ANO3: variants seen among roughly 807,000 people sequenced by gnomAD.
ANO3 encodes the protein anoctamin 3, also known as anoctamin-3.
In ANO3, 99 loss-of-function variants were observed where a neutral mutation model predicts 144.8. The ratio of observed to expected loss-of-function variants is 0.68; its 90% CI spans 0.58 to 0.81. The LOEUF (loss-of-function observed/expected upper bound fraction) is 0.81. Among genes scored for constraint, ANO3 ranks in the 30% least tolerant of loss-of-function variants. The pLI is 0.00. For synonymous variants in ANO3, 414 were observed against 392.6 expected (o/e 1.05, Z -0.64); for missense variants, 905 against 1,202.2 (o/e 0.75, Z 3.66).
upstream of ANO3, among the ~76,000 whole-genome samples, chr11:26,307,015 T>A (rs1472389969): frequency 6.6e-6 from 1 of 152,144 alleles, no homozygotes; most frequent in African/African-American, 2.4e-5. Context: ...TTTTTTACAA[T>A]CTTCTACACA....
At chr11:26,222,833 G>A (rs1340438271) in intron 1 of ANO3, among the ~76,000 whole-genome samples, 2 of 152,158 alleles carry the variant, frequency 1.3e-5, no homozygotes, top group South Asian at 2.1e-4. Flanking sequence ...GGGTGGTGTA[G>A]GGCAGTGGGA....
rs1183023481 is a variant in ANO3 at position 26,544,251 on chromosome 11, C to CACACATATATATATATATAT, written c.1154+2184_1154+2185insCACATATATATATATATATA. Among the ~76,000 whole-genome samples, 17 of 38,470 alleles carry CACACATATATATATATATAT rather than the reference C, an allele frequency of 4.4e-4. 1 individual carries two copies. The highest frequency in any genetic ancestry group is 6.0e-4 in the African/African-American group (9 of 15,018). The allele number at this position is 38,470 out of a possible 152,430, so 25.2% of individuals were successfully genotyped here. A position where few individuals can be genotyped will look rare whatever the true frequency, so the allele number is the denominator to read the frequency against. On this transcript the variant is annotated intron_variant, in intron 11 of 26. Coordinates refer to ENST00000256737, the MANE Select transcript of ANO3 (RefSeq NM_031418.4). ...TAAGGTTAAGTAGTATTTCATTATA[C>CACACATATATATATATATAT]ATATATATATATATATATATATACA...
chr11:26,250,245 T>C (rs1161550042), intron 1 of ANO3, among the ~76,000 whole-genome samples: 1 of 152,230 alleles, frequency 6.6e-6, no homozygotes, highest in Non-Finnish European at 1.5e-5. Context: ...CTTTCTTCTG[T>C]GGCAGCTATG....
At chr11:26,242,249 A>G (rs1285209189) in intron 1 of ANO3, among the ~76,000 whole-genome samples, 1 of 152,150 alleles carries the variant, frequency 6.6e-6, no homozygotes, top group Admixed American at 6.5e-5. Context: ...CTCTTCTACT[A>G]TGTAATTTAC....
chr11:26,344,379 T>TG (rs1855446229), intron 1 of ANO3, among the ~76,000 whole-genome samples: 1 of 151,260 alleles, frequency 6.6e-6, no homozygotes, highest in South Asian at 2.1e-4. Context: ...TTTTTTTTTT[T>TG]TTTTGAGATG....
chr11:26,246,135 G>T (rs1852787367), intron 1 of ANO3, among the ~76,000 whole-genome samples: 1 of 152,096 alleles, frequency 6.6e-6, no homozygotes, highest in Non-Finnish European at 1.5e-5. Context: ...GGCATCTTCA[G>T]TTCAGCATGT....
intron 17 of ANO3, among the ~76,000 whole-genome samples, chr11:26,623,947 C>T (rs1045039988): frequency 6.6e-6 from 1 of 152,082 alleles, no homozygotes; most frequent in Non-Finnish European, 1.5e-5. Context: ...CCAACGTGCC[C>T]GGCTAATTTT....
chr11:26,269,297 C>A (rs1005828677), intron 1 of ANO3, among the ~76,000 whole-genome samples: 1 of 152,168 alleles, frequency 6.6e-6, no homozygotes, highest in African/African-American at 2.4e-5. Flanking sequence ...TCCTTAGGCA[C>A]CTCTGCCAAA....
chr11:26,431,885 T>C (rs1858104625), intron 1 of ANO3, among the ~76,000 whole-genome samples: 1 of 152,220 alleles, frequency 6.6e-6, no homozygotes, highest in Non-Finnish European at 1.5e-5. Context: ...TGTGTCTTTA[T>C]GGTAAAATGA....
intron 9 of ANO3, among the ~76,000 whole-genome samples, chr11:26,534,772 C>T (rs796192599): frequency 1.1e-4 from 16 of 152,096 alleles, no homozygotes; most frequent in African/African-American, 3.1e-4. Context: ...GATATCAAAA[C>T]GTGAAATGTG....
intron 1 of ANO3, among the ~76,000 whole-genome samples, chr11:26,261,239 A>G (rs947896524): frequency 1.3e-5 from 2 of 152,118 alleles, no homozygotes; most frequent in Non-Finnish European, 2.9e-5. Flanking sequence ...ATAAAAAATT[A>G]CATGACTTTA....
intron 4 of ANO3, among the ~76,000 whole-genome samples, chr11:26,465,150 G>GTA (rs942787352): frequency 6.7e-6 from 1 of 149,326 alleles, no homozygotes; most frequent in African/African-American, 2.5e-5. Flanking sequence ...GTGTGTGTGT[G>GTA]TGTGTGTGTG....
chr11:26,257,918 C>A (rs1853096752), intron 1 of ANO3, among the ~76,000 whole-genome samples: 1 of 152,018 alleles, frequency 6.6e-6, no homozygotes, highest in African/African-American at 2.4e-5. Flanking sequence ...AAAATTTATA[C>A]TACAGAAAAA....
At chr11:26,461,455 C>T (rs1368313325) in intron 3 of ANO3, among the ~76,000 whole-genome samples, 2 of 152,006 alleles carry the variant, frequency 1.3e-5, no homozygotes, top group Non-Finnish European at 2.9e-5. Flanking sequence ...ACACCTTCAT[C>T]CTTCCTATCT....
intron 4 of ANO3, among the ~76,000 whole-genome samples, chr11:26,505,992 CAAAAAAAA>C (rs56193607): frequency 2.5e-5 from 2 of 78,448 alleles, no homozygotes; most frequent in Non-Finnish European, 2.4e-5. Flanking sequence ...GACTCTGTCT[CAAAAAAAA>C]AAAAAAAAAA....
intron 4 of ANO3, among the ~76,000 whole-genome samples, chr11:26,478,549 A>G (rs998656779): frequency 6.6e-6 from 1 of 152,152 alleles, no homozygotes; most frequent in Non-Finnish European, 1.5e-5. Context: ...CCCAAGCTGA[A>G]TTCCACTCTG....
chr11:26,306,528 G>A (rs1854387897), upstream of ANO3, among the ~76,000 whole-genome samples: 1 of 152,082 alleles, frequency 6.6e-6, no homozygotes, highest in Non-Finnish European at 1.5e-5. Flanking sequence ...GCCAGGTGCA[G>A]TGGTGTGCAC....
Position 26,372,879 on chromosome 11 carries a change from C to T in ANO3, c.46+40558C>T, listed in dbSNP as rs1444482581. On this transcript the variant is annotated intron_variant, in intron 1 of 26. Transcript: ENST00000256737. ...TGAACATTTATATTCATATTATAAACATCAGATTTTTCAAACATGTTGTGT... is the reference window on the plus strand; with the variant it reads ...TGAACATTTATATTCATATTATAAATATCAGATTTTTCAAACATGTTGTGT... Among the ~76,000 whole-genome samples the T allele has an allele frequency of 3.3e-5, 5 of 151,894 alleles. No individual in the cohort carries two copies. In the East Asian group the frequency reaches 9.7e-4, roughly 29 times the overall value.
chr11:26,554,929 T>C (rs1318157523), intron 13 of ANO3, among the ~76,000 whole-genome samples: 1 of 152,140 alleles, frequency 6.6e-6, no homozygotes, highest in African/African-American at 2.4e-5. Context: ...TGGGGGTGTT[T>C]CCAGCATAGG....
Sources: gnomAD v4.1 joint callset for allele counts (sites outside exome capture counted in the v4.1 genomes callset) on GRCh38, gnomAD v4.1.1 for gene constraint, MANE v1.5 for transcripts, NCBI Gene and HGNC (gene_info 2026-07-23, HGNC 2026-07-21) for gene names.